The following DNAAF11 variants were observed in gnomAD, a reference collection of about 807,000 sequenced individuals.
DNAAF11 encodes the protein dynein axonemal assembly factor 11.
DNAAF11 carries 45 observed loss-of-function variants against 60.8 expected under a neutral mutation model. That is an observed-to-expected ratio of 0.74 (90% CI 0.58 to 0.95). The LOEUF is 0.95. Ranked by LOEUF, DNAAF11 falls within the 40% of genes least tolerant of loss-of-function variation. The pLI is 0.00. For synonymous variants in DNAAF11, 191 were observed against 183.5 expected (o/e 1.04, Z -0.33); for missense variants, 546 against 546.2 (o/e 1.00, Z 0.00).
At chr8:132,651,177 C>T (rs1822976463) in intron 3 of DNAAF11, among the ~76,000 whole-genome samples, 1 of 151,758 alleles carries the variant, frequency 6.6e-6, no homozygotes, top group African/African-American at 2.4e-5. Flanking sequence ...TGGGGGAGCT[C>T]ATGCTATGGG....
At chr8:132,630,335 T>G (rs1364276674) in intron 5 of DNAAF11, among the ~76,000 whole-genome samples, 4 of 152,190 alleles carry the variant, frequency 2.6e-5, no homozygotes, top group African/African-American at 9.7e-5. Flanking sequence ...AGGGATATAG[T>G]AAGGGTAGCA....
rs551211221 is a variant in DNAAF11 at position 132,622,062 on chromosome 8, T to C, written c.914+549A>G. Among the ~76,000 whole-genome samples, 75 of 152,376 alleles carry C rather than the reference T, an allele frequency of 4.9e-4. 1 individual carries two copies. Among genetic ancestry groups the C allele is most frequent in the African/African-American group, 1.7e-3 (70 of 41,590 alleles). ...GCTACAAAAGGCTTTTCTGTCCTGC[T>C]TTCTAATTTCAATTTTTAAGACAGA... is the stretch of plus-strand genomic sequence containing the variant. On this transcript the variant is annotated intron_variant, in intron 7 of 11. Coordinates refer to ENST00000620350, the MANE Select transcript of DNAAF11 (RefSeq NM_012472.6).
intron 10 of DNAAF11, among the ~76,000 whole-genome samples, chr8:132,602,048 CTA>C (rs1817683074): frequency 6.6e-6 from 1 of 151,782 alleles, no homozygotes; most frequent in African/African-American, 2.4e-5. Context: ...TTTTTTTTCT[CTA>C]TGCTTCATTC....
chr8:132,616,419 T>C (rs1819161734), intron 7 of DNAAF11, among the ~76,000 whole-genome samples: 3 of 151,764 alleles, frequency 2.0e-5, no homozygotes, highest in Admixed American at 6.6e-5. Context: ...CAAGCAAGAG[T>C]TAGTGTCCAC....
At chr8:132,639,516 T>A (rs1006701060) in intron 3 of DNAAF11, among the ~76,000 whole-genome samples, 2 of 152,236 alleles carry the variant, frequency 1.3e-5, no homozygotes, top group Admixed American at 1.3e-4. Flanking sequence ...GTCACCAATA[T>A]GAATTTGATT....
intron 4 of DNAAF11, among the ~76,000 whole-genome samples, chr8:132,634,785 A>T (rs1395308764): frequency 2.0e-5 from 3 of 148,444 alleles, no homozygotes; most frequent in Non-Finnish European, 4.5e-5. Context: ...AGTATAATTT[A>T]TATATAAATA....
the DNAAF11 span, among the ~76,000 whole-genome samples, chr8:132,690,663 A>G: frequency 2.2e-4 from 34 of 152,294 alleles, no homozygotes; most frequent in African/African-American, 8.2e-4. Context: ...TCAGGATCCA[A>G]CCCAGGTTAC....
At chr8:132,699,378 G>C in the DNAAF11 span, among the ~76,000 whole-genome samples, 1 of 152,098 alleles carries the variant, frequency 6.6e-6, no homozygotes, top group Non-Finnish European at 1.5e-5. Context: ...AACAGAAAGG[G>C]GAGCAGTGCT....
At chr8:132,666,608 C>G (rs190022345) in intron 1 of DNAAF11, among the ~76,000 whole-genome samples, 12 of 151,934 alleles carry the variant, frequency 7.9e-5, no homozygotes, top group African/African-American at 2.9e-4. Flanking sequence ...CAGGCAATGT[C>G]GACAGAGATA....
the DNAAF11 span, among the ~76,000 whole-genome samples, chr8:132,693,656 G>A: frequency 3.3e-5 from 5 of 151,978 alleles, no homozygotes; most frequent in Non-Finnish European, 7.4e-5. Flanking sequence ...AGTGCTATTG[G>A]GGTGGGGGAA....
chr8:132,630,958 A>G (rs1029097537), intron 5 of DNAAF11, among the ~76,000 whole-genome samples: 4 of 152,230 alleles, frequency 2.6e-5, no homozygotes, highest in African/African-American at 9.6e-5. Context: ...ACTACTCTAG[A>G]AAACAATTTG....
At chr8:132,656,164 C>A (rs112698864) in intron 3 of DNAAF11, among the ~76,000 whole-genome samples, 1 of 152,136 alleles carries the variant, frequency 6.6e-6, no homozygotes, top group African/African-American at 2.4e-5. Flanking sequence ...CGTAGCCCCA[C>A]GCCCCCTTTC....
intron 4 of DNAAF11, among the ~76,000 whole-genome samples, chr8:132,636,752 A>C (rs1228439730): frequency 2.0e-5 from 3 of 152,188 alleles, no homozygotes; most frequent in Admixed American, 2.0e-4. Flanking sequence ...ACTGTATAAT[A>C]ATGATCAGTT....
At chr8:132,644,954 C>T (rs1190658585) in intron 3 of DNAAF11, among the ~76,000 whole-genome samples, 2 of 152,198 alleles carry the variant, frequency 1.3e-5, no homozygotes, top group Admixed American at 6.5e-5. Context: ...CGGACTTAAA[C>T]GTCCCTGTCT....
intron 7 of DNAAF11, among the ~76,000 whole-genome samples, chr8:132,618,229 A>T (rs1819382284): frequency 6.8e-6 from 1 of 146,346 alleles, no homozygotes; most frequent in East Asian, 2.0e-4. Flanking sequence ...GGTGCTGGGA[A>T]AACTGGCTAG....
At chr8:132,630,732 G>C (rs924902451) in intron 5 of DNAAF11, among the ~76,000 whole-genome samples, 1 of 151,830 alleles carries the variant, frequency 6.6e-6, no homozygotes, top group Non-Finnish European at 1.5e-5. Context: ...CTTGAATAGA[G>C]GATACCTGAA....
chr8:132,612,848 A>G (rs528992917), intron 8 of DNAAF11, among the ~76,000 whole-genome samples: 5 of 152,218 alleles, frequency 3.3e-5, no homozygotes, highest in Non-Finnish European at 5.9e-5. Flanking sequence ...CATGGGAATG[A>G]AAGAGTTTTA....
At chr8:132,572,937 C>T (rs181558035) in intron 11 of DNAAF11, among the ~76,000 whole-genome samples, 4 of 152,094 alleles carry the variant, frequency 2.6e-5, no homozygotes, top group East Asian at 3.9e-4. Flanking sequence ...GGCATCTACA[C>T]GGCAAGTTCA....
intron 10 of DNAAF11, among the ~76,000 whole-genome samples, chr8:132,590,616 G>C (rs1450976790): frequency 1.3e-5 from 2 of 151,992 alleles, no homozygotes; most frequent in African/African-American, 4.8e-5. Flanking sequence ...TCACACCTTG[G>C]GCTGCTCATT....
Sources: gnomAD v4.1 joint callset for allele counts (sites outside exome capture counted in the v4.1 genomes callset) on GRCh38, gnomAD v4.1.1 for gene constraint, MANE v1.5 for transcripts, NCBI Gene and HGNC (gene_info 2026-07-23, HGNC 2026-07-21) for gene names.